The following CNNM3 variants were observed in gnomAD, a reference collection of about 807,000 sequenced individuals.
CNNM3 encodes the protein metal transporter CNNM3.
CNNM3 carries 47 observed loss-of-function variants against 57.1 expected under a neutral mutation model. The ratio of observed to expected loss-of-function variants is 0.82; its 90% CI spans 0.65 to 1.05. The LOEUF (loss-of-function observed/expected upper bound fraction) is 1.05, where lower values mean the gene tolerates loss of function less well. Among genes scored for constraint, CNNM3 ranks in the 50% least tolerant of loss-of-function variants. The pLI is 0.00. For missense variants in CNNM3, 957 were observed against 973.7 expected (o/e 0.98, Z 0.23); for synonymous variants, 507 against 478.2 (o/e 1.06, Z -0.79).
intron 1 of CNNM3, among the ~76,000 whole-genome samples, chr2:96,821,994 T>C (rs1220833288): frequency 6.6e-6 from 1 of 150,526 alleles, no homozygotes; most frequent in African/African-American, 2.5e-5. Flanking sequence ...AACATTATTA[T>C]TATTATTATT....
chr2:96,827,986 G>A, intron 4 of CNNM3, 86 bp downstream of exon 4: 2 of 1,565,638 alleles, frequency 1.3e-6, no homozygotes. Flanking sequence ...GGGGCATGCG[G>A]ATATGCACCC....
At chr2:96,828,900 G>A in intron 6 of CNNM3, 96 bp from the exon 7 acceptor site, 2 of 1,553,330 alleles carry the variant, frequency 1.3e-6, no homozygotes, top group South Asian at 2.4e-5. Flanking sequence ...GCTTAAAGTT[G>A]TGCCTCTGTC....
At chr2:96,818,249 T>G (rs1208397347) in intron 1 of CNNM3, among the ~76,000 whole-genome samples, 1 of 152,136 alleles carries the variant, frequency 6.6e-6, no homozygotes, top group African/African-American at 2.4e-5. Flanking sequence ...CATTCCGGGC[T>G]AATTTTTGTA....
At chr2:96,829,248 C>T (rs2079562190) in intron 7 of CNNM3, 114 bp downstream of exon 7, 30 of 1,316,770 alleles carry the variant, frequency 2.3e-5, no homozygotes, top group Non-Finnish European at 2.8e-5. Flanking sequence ...TCTCTCTTTT[C>T]TCCCCATCCT....
chr2:96,836,415 A>AT (rs2153357935), downstream of CNNM3, among the ~76,000 whole-genome samples: 1 of 151,548 alleles, frequency 6.6e-6, no homozygotes, highest in Non-Finnish European at 1.5e-5. Flanking sequence ...CTAATTTTGT[A>AT]TTTTCAGTAG....
intron 2 of CNNM3, among the ~76,000 whole-genome samples, chr2:96,825,417 G>A (rs546537058): frequency 1.5e-4 from 23 of 152,296 alleles, no homozygotes; most frequent in East Asian, 1.4e-3. Context: ...CTGTGCCAGC[G>A]GTGGCCTTGC....
intron 1 of CNNM3, among the ~76,000 whole-genome samples, chr2:96,823,477 C>T (rs1483337290): frequency 1.3e-5 from 2 of 152,210 alleles, no homozygotes; most frequent in Non-Finnish European, 2.9e-5. Context: ...CGGCACCCAG[C>T]ACAAGCACTG....
chr2:96,826,187 T>C (rs1024022187), intron 2 of CNNM3, among the ~76,000 whole-genome samples: 1 of 152,302 alleles, frequency 6.6e-6, no homozygotes, highest in East Asian at 1.9e-4. Context: ...AGTTTTTCAG[T>C]GGCCAGAGAG....
rs1574120455 is a variant in CNNM3 at position 96,833,456 on chromosome 2, A to G, written c.*840A>G. 6.0e-6 allele frequency: 1 copy of G among 167,510 alleles called. No individual in the cohort carries two copies. Among genetic ancestry groups the G allele is most frequent in the African/African-American group, 2.4e-5 (1 of 41,062 alleles). The allele number at this position is 167,510 out of a possible 1,614,324, so 10.4% of individuals were successfully genotyped here. ...TAGCTGCCTGTTGCACCTGCTCCAC[A>G]CCTCCCCACAGCCTCCCTGCAGGTG... is the stretch of plus-strand genomic sequence containing the variant. On this transcript the variant is annotated 3_prime_UTR_variant, in exon 8 of 8. Transcript: ENST00000305510.
chr2:96,829,619 T>TG (rs2079568390), intron 7 of CNNM3, among the ~76,000 whole-genome samples: 1 of 151,858 alleles, frequency 6.6e-6, no homozygotes, highest in Admixed American at 6.6e-5. Flanking sequence ...GCTTTTTTTT[T>TG]TTTTAATTCA....
At chr2:96,822,005 A>ATTAT (rs1270155431) in intron 1 of CNNM3, among the ~76,000 whole-genome samples, 40 of 142,402 alleles carry the variant, frequency 2.8e-4, no homozygotes, top group African/African-American at 9.7e-4. Flanking sequence ...TATTATTATT[A>ATTAT]TTTTTTTTTT....
At chr2:96,824,791 C>CCCAGCTCTG (rs993263492) in intron 1 of CNNM3, 13 of 476,848 alleles carry the variant, frequency 2.7e-5, no homozygotes, top group Non-Finnish European at 5.0e-5. Context: ...GGAGCTGGAT[C>CCCAGCTCTG]CCAGCTCTGC....
rs1036576813 is a variant in CNNM3 at position 96,833,541 on chromosome 2, CTT to C, written c.*927_*928del. 6.6e-6 allele frequency: 1 copy of C among 151,660 alleles called. No individual in the cohort carries two copies. Among genetic ancestry groups the C allele is most frequent in the Admixed American group, 6.6e-5 (1 of 15,240 alleles). 9.4% of individuals were successfully genotyped at this position (151,660 alleles called of 1,614,324 possible). ...AGGGTTCATGAACCAGGTGGATCCT[CTT>C]TAAAAAAAAAAAAGTTTTTGTTATA... is the stretch of plus-strand genomic sequence containing the variant. On this transcript the variant is annotated 3_prime_UTR_variant, in exon 8 of 8. Transcript: ENST00000305510.
At chr2:96,819,211 C>T (rs62152793) in intron 1 of CNNM3, among the ~76,000 whole-genome samples, 11,794 of 152,204 alleles carry the variant, frequency 0.077, 509 homozygotes, top group Middle Eastern at 0.18. Flanking sequence ...GACAGAGCCT[C>T]GCGGTGGTAA....
chr2:96,822,594 C>T (rs1366638363), intron 1 of CNNM3, among the ~76,000 whole-genome samples: 1 of 152,184 alleles, frequency 6.6e-6, no homozygotes, highest in African/African-American at 2.4e-5. Flanking sequence ...ACAGGTGTTT[C>T]CCACTGTGCC....
At chr2:96,835,464 T>C (rs2079676458), downstream of CNNM3, among the ~76,000 whole-genome samples, 1 of 149,628 alleles carries the variant, frequency 6.7e-6, no homozygotes, top group Non-Finnish European at 1.5e-5. Flanking sequence ...TTTTAAACAA[T>C]CAAACTTTTT....
At chr2:96,832,366 G>T in intron 7 of CNNM3, 186 bp from the exon 8 acceptor site, 1 of 1,471,516 alleles carries the variant, frequency 6.8e-7, no homozygotes, top group East Asian at 2.4e-5. Flanking sequence ...CCGTCTCCCA[G>T]GGAAGGCATC....
rs10643982 is a variant in CNNM3, at chr2:96,834,655, A to AAGAGAAG, written c.*2041_*2042insAGAAGAG. Reference sequence around the variant, plus strand: ...TGAGCCACCGTGCCCAGATTCACAGAAGTTTCATACACCTTTCACCCAGGT... The same window carrying AAGAGAAG: ...TGAGCCACCGTGCCCAGATTCACAGAAGAGAAGAGTTTCATACACCTTTCACCCAGGT... On this transcript the variant is annotated 3_prime_UTR_variant, in exon 8 of 8. Coordinates refer to ENST00000305510, the MANE Select transcript of CNNM3 (RefSeq NM_017623.5). Among the ~76,000 whole-genome samples the AAGAGAAG allele has an allele frequency of 6.6e-6, 1 of 151,838 alleles. No homozygotes were observed. The highest frequency in any genetic ancestry group is 2.1e-4 in the South Asian group (1 of 4,832).
At chr2:96,836,168 T>C (rs2079688777), downstream of CNNM3, among the ~76,000 whole-genome samples, 1 of 149,748 alleles carries the variant, frequency 6.7e-6, no homozygotes. Context: ...ACTGTATACT[T>C]GACTTCTGGA....
Sources: allele counts gnomAD v4.1 joint callset (sites outside exome capture counted in the v4.1 genomes callset), GRCh38; gene constraint gnomAD v4.1.1; transcripts MANE v1.5; gene names NCBI Gene and HGNC (gene_info 2026-07-23, HGNC 2026-07-21).